The following CRHR2 variants were observed in gnomAD, a reference collection of about 807,000 sequenced individuals.
The protein encoded by CRHR2 is corticotropin-releasing hormone receptor 2.
In CRHR2, 53 loss-of-function variants were observed where a neutral mutation model predicts 57.9. The observed-to-expected ratio is 0.92, with a 90% CI of 0.73 to 1.15. CRHR2 has a LOEUF of 1.15. CRHR2 is among the 50% of genes most tolerant of loss of function. The pLI is 0.00. For synonymous variants in CRHR2, 213 were observed against 220.9 expected (o/e 0.96, Z 0.32); for missense variants, 532 against 542.6 (o/e 0.98, Z 0.19).
Position 30,656,972 on chromosome 7 carries a change from AGT to A in CRHR2, c.832-962_832-961del. Among the ~76,000 whole-genome samples, 1 of 152,016 alleles carries A rather than the reference AGT, an allele frequency of 6.6e-6. No individual in the cohort carries two copies. Among genetic ancestry groups the A allele is most frequent in the African/African-American group, 2.4e-5 (1 of 41,442 alleles). On this transcript the variant is annotated intron_variant, in intron 8 of 11. Transcript: ENST00000471646. This position sits in a 1 kb window ranked among gnomAD's most constrained non-coding sequence, Gnocchi z 4.4. ...GCATAGGCAGGCAGGCAGGCAAGGG[AGT>A]GTGTGTCGGCCTGACACAGTGGGGC...
Position 30,665,088 on chromosome 7 carries a change from T to G in CRHR2, c.525A>C (p.Glu175Asp), listed in dbSNP as rs1232086103. The G allele has an allele frequency of 1.9e-6, 3 of 1,613,644 alleles. No individual in the cohort carries two copies. The highest frequency in any genetic ancestry group is 2.5e-6 in the Non-Finnish European group (3 of 1,179,888). The change falls in exon 5 of 12, where the codon GAA becomes GAC. Residue 175 changes from glutamate (E) to aspartate (D), a missense_variant. Physicochemically the swap from Glu to Asp is conservative, Grantham distance 45. Coordinates refer to ENST00000471646, the MANE Select transcript of CRHR2 (RefSeq NM_001883.5). The surrounding 1 kb of genome is among the most constrained non-coding windows in gnomAD (Gnocchi z 4.5). ...MWFLLQLVDH[E>D]VHESNEVWCR... ...CAATGACCTCATTGCTCTCGTGCAC[T>G]TCATGGTCAACGAGCTGCAGCAGGA... is the stretch of plus-strand genomic sequence containing the variant.
intron 2 of CRHR2, among the ~76,000 whole-genome samples, chr7:30,674,417 C>A (rs1407028081): frequency 6.6e-6 from 1 of 152,200 alleles, no homozygotes; most frequent in African/African-American, 2.4e-5. Flanking sequence ...AACACAGGAC[C>A]CCTGTGGCAG....
Position 30,678,121 on chromosome 7 carries a change from T to C in CRHR2, c.229+3794A>G, listed in dbSNP as rs75967664. Among the ~76,000 whole-genome samples, 325 of 152,304 alleles carry C rather than the reference T, an allele frequency of 2.1e-3. 4 individuals are homozygous for C. Among genetic ancestry groups the C allele is most frequent in the African/African-American group, 7.4e-3 (306 of 41,562 alleles). ...GCCAGCTCTGCCCTGTGTTCTTGGC[T>C]TGGGGCCCCAAATCTGGTTCTCTAG... On this transcript the variant is annotated intron_variant, in intron 2 of 11. Coordinates refer to ENST00000471646, the MANE Select transcript of CRHR2 (RefSeq NM_001883.5).
In CRHR2 at chr7:30,658,453, G is replaced by C. The variant is rs369950023; in HGVS notation, c.831+2120C>G. On this transcript the variant is annotated intron_variant, in intron 8 of 11. Transcript: ENST00000471646. ...CTGGGGGCCTGGAGGGGTTGGGGGT[G>C]GGGGAGATGACATCTTTCCTAAGGT... is the stretch of plus-strand genomic sequence containing the variant. Among the ~76,000 whole-genome samples the C allele has an allele frequency of 1.2e-4, 19 of 152,286 alleles. No homozygotes were observed. In the East Asian group the frequency reaches 3.5e-3, roughly 28 times the overall value.
Position 30,660,603 on chromosome 7 carries a change from G to A in CRHR2, c.801C>T (p.Ile267=). 1 of 1,572,146 alleles carries A rather than the reference G, an allele frequency of 6.4e-7. No individual in the cohort carries two copies. The highest frequency in any genetic ancestry group is 8.6e-7 in the Non-Finnish European group (1 of 1,158,276). The change falls in exon 8 of 12, where the codon ATC becomes ATT. Residue 267 remains isoleucine, a synonymous_variant. Coordinates refer to ENST00000471646, the MANE Select transcript of CRHR2 (RefSeq NM_001883.5). ...GCACGAGAATGATGGGGCCTTGGTA[G>A]ATGTAGTCCACCAGGTCGCCAGGCT... ...GKEPGDLVDY[I]YQGPIILVLL...
chr7:30,681,254 G>T (rs79492405), intron 2 of CRHR2, among the ~76,000 whole-genome samples: 8,517 of 152,220 alleles, frequency 0.056, 590 homozygotes, highest in African/African-American at 0.16. Flanking sequence ...TGGTGTTGGG[G>T]TGCTGATTCA....
At chr7:30,685,986 C>G (rs1406650882), upstream of CRHR2, among the ~76,000 whole-genome samples, 1 of 152,112 alleles carries the variant, frequency 6.6e-6, no homozygotes, top group Non-Finnish European at 1.5e-5. Flanking sequence ...TTTGAAAGGC[C>G]CTCCAGAACA....
At chr7:30,688,907 C>G (rs1784905513) in intron 2 of CRHR2, 1 of 556,520 alleles carries the variant, frequency 1.8e-6, no homozygotes, top group African/African-American at 1.9e-5. Flanking sequence ...TCATCCCCTT[C>G]TTGGACTCCT....
In CRHR2 at chr7:30,652,131, T is replaced by C. The variant is rs1444910288; in HGVS notation, c.*1329A>G. On this transcript the variant is annotated 3_prime_UTR_variant, in exon 12 of 12. Transcript: ENST00000471646. This position sits in a 1 kb window ranked among gnomAD's most constrained non-coding sequence, Gnocchi z 4.4. ...GGGTACCTAGAGCATTGGTTTCTTT[T>C]GGAAGAAATGGCCTGATGCTTCTCT... 2 of 152,258 alleles carry C rather than the reference T, an allele frequency of 1.3e-5. No individual in the cohort carries two copies. The highest frequency in any genetic ancestry group is 3.8e-4 in the East Asian group (2 of 5,196). The allele number at this position is 152,258 out of a possible 1,614,324, so 9.4% of individuals were successfully genotyped here.
intron 8 of CRHR2, among the ~76,000 whole-genome samples, chr7:30,657,867 CT>C (rs932867459): frequency 6.6e-6 from 1 of 152,152 alleles, no homozygotes; most frequent in African/African-American, 2.4e-5. Flanking sequence ...TATCCACCTA[CT>C]GTTTTATCTA....
At chr7:30,698,654 C>G (rs1043835120) in intron 1 of CRHR2, among the ~76,000 whole-genome samples, 2 of 152,188 alleles carry the variant, frequency 1.3e-5, no homozygotes, top group Non-Finnish European at 2.9e-5. Flanking sequence ...GCTCAGCATA[C>G]TACCTGCCTC....
At chr7:30,689,758 G>A (rs1784925055) in intron 1 of CRHR2, among the ~76,000 whole-genome samples, 1 of 152,248 alleles carries the variant, frequency 6.6e-6, no homozygotes, top group African/African-American at 2.4e-5. Flanking sequence ...AGAAAGTGCA[G>A]AAGGAAGAGG....
Position 30,665,205 on chromosome 7 carries a change from CA to C in CRHR2, c.426-19del. The C allele has an allele frequency of 6.2e-7, 1 of 1,608,104 alleles. No individual in the cohort carries two copies. Among genetic ancestry groups the C allele is most frequent in the Non-Finnish European group, 8.5e-7 (1 of 1,174,674 alleles). ...GAATGCTCCTGTGGGAGGTGCAGGT[CA>C]GGGGTCAGCCAGGTTCAGGGGTCAA... is the stretch of plus-strand genomic sequence containing the variant. On this transcript the variant is annotated intron_variant, in intron 4 of 11. Transcript: ENST00000471646. This position sits in a 1 kb window ranked among gnomAD's most constrained non-coding sequence, Gnocchi z 4.5.
chr7:30,679,388 C>T (rs1784623414), intron 2 of CRHR2, among the ~76,000 whole-genome samples: 1 of 152,226 alleles, frequency 6.6e-6, no homozygotes, highest in Non-Finnish European at 1.5e-5. Flanking sequence ...CTTCATGTGT[C>T]TGAGACTCAG....
In CRHR2 at chr7:30,690,637, G is replaced by A. The variant is rs114290657; in HGVS notation, c.-260-1353C>T. Among the ~76,000 whole-genome samples the A allele has an allele frequency of 4.7e-3, 718 of 152,296 alleles. 6 individuals carry two copies. The highest frequency in any genetic ancestry group is 0.016 in the African/African-American group (678 of 41,560). On this transcript the variant is annotated intron_variant, in intron 1 of 13. Coordinates refer to the CRHR2 transcript ENST00000341843. ...GAGCCCAAAAGCCCTCAAACATCAC[G>A]TTCTCCACATTGGGCTCAGTCCATT...
rs749123316 is a variant in CRHR2 at position 30,681,912 on chromosome 7, C to T, written c.229+3G>A. ...GCAGGCAGCGAGGGCCGGGGGCACT[C>T]ACGGGTCGTGTTGTACTTGACGCCG... On this transcript the variant is annotated splice_donor_region_variant and intron_variant, in intron 2 of 11. Coordinates refer to ENST00000471646, the MANE Select transcript of CRHR2 (RefSeq NM_001883.5). 4 of 1,607,662 alleles carry T rather than the reference C, an allele frequency of 2.5e-6. No homozygotes were observed. The highest frequency in any genetic ancestry group is 3.4e-6 in the Non-Finnish European group (4 of 1,177,596).
intron 1 of CRHR2, among the ~76,000 whole-genome samples, chr7:30,690,139 A>G (rs1008588889): frequency 1.3e-5 from 2 of 152,184 alleles, no homozygotes; most frequent in Non-Finnish European, 2.9e-5. Context: ...TCTGGTGGGA[A>G]AGATGGATAG....
chr7:30,656,137 C>T lies in CRHR2; in HGVS notation c.832-125G>A. The stretch of plus-strand genomic sequence containing the variant: ...ATGTCCCACGCACACACCTATCCTA[C>T]CTGTCCCCCTAGCACCTGCCAGCAT... On this transcript the variant is annotated intron_variant, in intron 8 of 11. Coordinates refer to ENST00000471646, the MANE Select transcript of CRHR2 (RefSeq NM_001883.5). This position sits in a 1 kb window ranked among gnomAD's most constrained non-coding sequence, Gnocchi z 4.4. 1 of 820,688 alleles carries T rather than the reference C, an allele frequency of 1.2e-6. No individual in the cohort carries two copies. The highest frequency in any genetic ancestry group is 1.6e-5 in the South Asian group (1 of 64,512). 50.8% of individuals were successfully genotyped at this position (820,688 alleles called of 1,614,324 possible). A position where few individuals can be genotyped will look rare whatever the true frequency, so the allele number is the denominator to read the frequency against.
chr7:30,688,673 T>C (rs1784901665), intron 2 of CRHR2: 34 of 396,356 alleles, frequency 8.6e-5, no homozygotes, highest in South Asian at 6.2e-4. Context: ...GGTGGGACAC[T>C]GGAGACATCT....
Sources: gnomAD v4.1 joint callset for allele counts (sites outside exome capture counted in the v4.1 genomes callset) on GRCh38, gnomAD v4.1.1 for gene constraint, Gnocchi (gnomAD v3.1) non-coding constraint, MANE v1.5 for transcripts, NCBI Gene and HGNC (gene_info 2026-07-23, HGNC 2026-07-21) for gene names.